VOPP1: variants seen among roughly 807,000 people sequenced by gnomAD.
The protein encoded by VOPP1 is WW domain binding protein VOPP1.
A neutral mutation model predicts 23.5 loss-of-function variants in VOPP1; 8 were observed. The observed-to-expected ratio is 0.34, with a 90% confidence interval of 0.20 to 0.61. VOPP1 has a LOEUF of 0.61. VOPP1 is among the 20% of genes least tolerant of loss of function. The probability of loss-of-function intolerance (pLI) is 0.78; values close to 1 mark genes in which losing one functional copy is unlikely to be tolerated. For missense variants in VOPP1, 174 were observed against 238.1 expected (o/e 0.73, Z 1.77); for synonymous variants, 83 against 97.3 (o/e 0.85, Z 0.86).
chr7:55,537,323 C>T (rs1339217929), intron 1 of VOPP1, among the ~76,000 whole-genome samples: 1 of 152,234 alleles, frequency 6.6e-6, no homozygotes, highest in Non-Finnish European at 1.5e-5. Context: ...TCAGCTGGCA[C>T]TCTGCCCCCA....
intron 4 of VOPP1, among the ~76,000 whole-genome samples, chr7:55,460,573 G>A (rs112299682): frequency 0.012 from 1,827 of 152,242 alleles, 13 homozygotes; most frequent in Admixed American, 0.021. Flanking sequence ...ATACAGCTGG[G>A]TGCTCGAGTG....
chr7:55,539,633 A>G (rs1259301504), intron 1 of VOPP1: 1 of 104,552 alleles, frequency 9.6e-6, no homozygotes, highest in East Asian at 3.1e-4. Context: ...TGAATAATTC[A>G]CAACTGGATC....
intron 4 of VOPP1, among the ~76,000 whole-genome samples, chr7:55,479,073 T>C (rs1193894707): frequency 2.0e-5 from 3 of 152,194 alleles, no homozygotes; most frequent in Non-Finnish European, 4.4e-5. Flanking sequence ...TTCTTTCTTA[T>C]TTTTGAAGCT....
chr7:55,502,227 C>A (rs1255834469), intron 2 of VOPP1, among the ~76,000 whole-genome samples: 3 of 152,256 alleles, frequency 2.0e-5, no homozygotes, highest in African/African-American at 4.8e-5. Context: ...CACACATACA[C>A]CCCTCAGCCT....
At chr7:55,537,310 A>G (rs968922471) in intron 1 of VOPP1, among the ~76,000 whole-genome samples, 1 of 152,074 alleles carries the variant, frequency 6.6e-6, no homozygotes, top group Non-Finnish European at 1.5e-5. Flanking sequence ...TCTCTCACAC[A>G]CCTCAGCTGG....
chr7:55,442,488 C>T (rs1269692039), intron 4 of VOPP1, among the ~76,000 whole-genome samples: 24 of 152,128 alleles, frequency 1.6e-4, no homozygotes, highest in Admixed American at 1.6e-3. Context: ...AGTGGGTTGT[C>T]AGTGTCTCAA....
intron 1 of VOPP1, among the ~76,000 whole-genome samples, chr7:55,536,680 C>T (rs1005887808): frequency 3.3e-5 from 5 of 152,146 alleles, no homozygotes; most frequent in African/African-American, 1.2e-4. Context: ...GCACATGGCA[C>T]GTGGCAGGAC....
intron 1 of VOPP1, among the ~76,000 whole-genome samples, chr7:55,542,977 G>A (rs562079357): frequency 4.3e-4 from 65 of 151,904 alleles, no homozygotes; most frequent in African/African-American, 1.5e-3. Context: ...GTGCAGTGGC[G>A]TGATCTTGGC....
At chr7:55,570,854 A>G (rs1417055592) in intron 1 of VOPP1, among the ~76,000 whole-genome samples, 3 of 152,116 alleles carry the variant, frequency 2.0e-5, no homozygotes, top group Non-Finnish European at 4.4e-5. Context: ...AAGCAGGAGA[A>G]TAGCTTGAAC....
At chr7:55,525,042 T>G (rs911408686) in intron 1 of VOPP1, among the ~76,000 whole-genome samples, 1 of 152,036 alleles carries the variant, frequency 6.6e-6, no homozygotes, top group Non-Finnish European at 1.5e-5. Context: ...GAAGGCCCCG[T>G]GCTGGGTCAC....
intron 1 of VOPP1, among the ~76,000 whole-genome samples, chr7:55,549,499 C>T (rs894313128): frequency 1.2e-4 from 19 of 152,334 alleles, no homozygotes; most frequent in Middle Eastern, 3.4e-3. Context: ...TGAACCAGAC[C>T]TCAATCTTTC....
chr7:55,466,140 C>G (rs746904901), downstream of VOPP1, among the ~76,000 whole-genome samples: 3 of 152,206 alleles, frequency 2.0e-5, no homozygotes, highest in Admixed American at 6.5e-5. Context: ...TCACCAGACA[C>G]CGAACCTACT....
intron 1 of VOPP1, chr7:55,562,067 G>A: frequency 1.4e-6 from 1 of 703,174 alleles, no homozygotes; most frequent in Non-Finnish European, 2.6e-6. Context: ...AAAAAATAAA[G>A]ATGACTAGGC....
chr7:55,569,245 G>A lies in VOPP1; in HGVS notation c.54+3026C>T, dbSNP rs202244407. On this transcript the variant is annotated intron_variant, in intron 1 of 4. Coordinates refer to ENST00000285279, the MANE Select transcript of VOPP1 (RefSeq NM_030796.5). ...TGAAGCCCTACCTGGGCTTCAGGAGGGGAACACAACCAGGGTTTCTCAGGA... is the reference window on the plus strand; with the variant it reads ...TGAAGCCCTACCTGGGCTTCAGGAGAGGAACACAACCAGGGTTTCTCAGGA... 3.3e-3 allele frequency among the ~76,000 whole-genome samples: 500 copies of A among 152,286 alleles called. 4 individuals carry two copies. Among genetic ancestry groups the A allele is most frequent in the African/African-American group, 0.012 (486 of 41,550 alleles).
At chr7:55,436,004 C>G (rs1019911436), downstream of VOPP1, 1 of 152,328 alleles carries the variant, frequency 6.6e-6, no homozygotes, top group East Asian at 1.9e-4. Flanking sequence ...GAGTGTTCCT[C>G]TGCAGTGAGG....
intron 1 of VOPP1, among the ~76,000 whole-genome samples, chr7:55,530,152 CT>C (rs1404395104): frequency 1.3e-5 from 2 of 152,140 alleles, no homozygotes; most frequent in African/African-American, 4.8e-5. Flanking sequence ...CCTTACCTAA[CT>C]TGTTGAGAGA....
intron 1 of VOPP1, among the ~76,000 whole-genome samples, chr7:55,558,715 C>T (rs759025481): frequency 9.8e-5 from 15 of 152,328 alleles, no homozygotes; most frequent in Middle Eastern, 3.4e-3. Context: ...CCCCAGGCTC[C>T]TTGCAGACAA....
At chr7:55,477,933 G>T (rs566935597) in intron 4 of VOPP1, among the ~76,000 whole-genome samples, 1 of 152,282 alleles carries the variant, frequency 6.6e-6, no homozygotes, top group African/African-American at 2.4e-5. Flanking sequence ...GCGCGGCCGC[G>T]GAAGCAGCAT....
At chr7:55,469,734 T>G (rs1791727187), downstream of VOPP1, among the ~76,000 whole-genome samples, 1 of 152,182 alleles carries the variant, frequency 6.6e-6, no homozygotes, top group Non-Finnish European at 1.5e-5. Flanking sequence ...GCCTACTAAT[T>G]TGGGGGAGTG....
Sources: gnomAD v4.1 joint callset for allele counts (sites outside exome capture counted in the v4.1 genomes callset) on GRCh38, gnomAD v4.1.1 for gene constraint, MANE v1.5 for transcripts, NCBI Gene and HGNC (gene_info 2026-07-23, HGNC 2026-07-21) for gene names.